Variants in ILDR2 observed in about 807,000 individuals in gnomAD.
ILDR2 encodes immunoglobulin-like domain-containing receptor 2.
ILDR2 carries 25 observed loss-of-function variants against 66.8 expected under a neutral mutation model. The ratio of observed to expected loss-of-function variants is 0.37; its 90% confidence interval spans 0.27 to 0.52. ILDR2 has a LOEUF of 0.52. Among genes scored for constraint, ILDR2 ranks in the 20% least tolerant of loss-of-function variants. The pLI is 0.88. For missense variants in ILDR2, 827 were observed against 876.8 expected (o/e 0.94, Z 0.72); for synonymous variants, 367 against 357.2 (o/e 1.03, Z -0.31).
Position 166,928,576 on chromosome 1 carries a change from A to C in ILDR2, c.881-1396T>G, listed in dbSNP as rs181282824. On this transcript the variant is annotated intron_variant, in intron 6 of 9. Transcript: ENST00000271417. ...CAAAGTGGGGCAAACACCATAAAGA[A>C]ACCATATGACTGCATGTAAATTCAG... 4.5e-4 allele frequency among the ~76,000 whole-genome samples: 68 copies of C among 152,290 alleles called. 1 individual carries two copies. The South Asian group carries it at 0.012, about 26-fold the overall frequency.
At chr1:166,919,941 G>C (rs1659804194) in intron 9 of ILDR2, among the ~76,000 whole-genome samples, 1 of 152,192 alleles carries the variant, frequency 6.6e-6, no homozygotes, top group African/African-American at 2.4e-5. Flanking sequence ...GATCTCCAAA[G>C]CATGGGGGTC....
intron 4 of ILDR2, 64 bp downstream of exon 4, chr1:166,939,448 AAT>A (rs1661182746): frequency 1.5e-6 from 2 of 1,311,408 alleles, no homozygotes; most frequent in East Asian, 4.6e-5. Context: ...ATTAGCGACT[AAT>A]GCAGAAGCAA....
intron 3 of ILDR2, among the ~76,000 whole-genome samples, chr1:166,943,245 C>A (rs541019594): frequency 7.9e-5 from 12 of 152,178 alleles, no homozygotes; most frequent in Non-Finnish European, 1.8e-4. Flanking sequence ...GTAATCCCAG[C>A]ACTTTGGGAG....
rs566318004 is a variant in ILDR2 at position 166,914,122 on chromosome 1, A to C, written c.*5233T>G. The C allele has an allele frequency of 5.2e-5, 8 of 152,568 alleles. No individual in the cohort carries two copies. The highest frequency in any genetic ancestry group is 1.9e-4 in the African/African-American group (8 of 41,358). 9.5% of individuals were successfully genotyped at this position (152,568 alleles called of 1,614,324 possible). On this transcript the variant is annotated 3_prime_UTR_variant, in exon 10 of 10. Coordinates refer to ENST00000271417, the MANE Select transcript of ILDR2 (RefSeq NM_199351.3). ...ACAGAGCAAGACCCTGTCTCAAAAA[A>C]AAAAAAAAGAAAGAAAAAGAAAACG... is the stretch of plus-strand genomic sequence containing the variant.
chr1:166,924,178 CT>C (rs1372628341), intron 7 of ILDR2, among the ~76,000 whole-genome samples: 1 of 152,084 alleles, frequency 6.6e-6, no homozygotes, highest in African/African-American at 2.4e-5. Flanking sequence ...AATTTTTAAC[CT>C]TTTCTTCCAT....
chr1:166,965,267 A>C (rs572287724), intron 1 of ILDR2, among the ~76,000 whole-genome samples: 1 of 152,210 alleles, frequency 6.6e-6, no homozygotes, highest in Non-Finnish European at 1.5e-5. Context: ...ATACATATGA[A>C]GAGGTATCTT....
chr1:166,960,437 A>G (rs1029988816), intron 1 of ILDR2, among the ~76,000 whole-genome samples: 1 of 152,208 alleles, frequency 6.6e-6, no homozygotes, highest in African/African-American at 2.4e-5. Flanking sequence ...CCATACACTA[A>G]TGATGGTTTC....
intron 1 of ILDR2, among the ~76,000 whole-genome samples, chr1:166,970,313 ATGGT>A (rs1379176966): frequency 2.6e-5 from 4 of 152,094 alleles, no homozygotes. Flanking sequence ...CCAATCATTA[ATGGT>A]TTGAGAAAGT....
Position 166,913,063 on chromosome 1 carries a change from C to T in ILDR2, c.*6292G>A, listed in dbSNP as rs1659505251. 6.6e-6 allele frequency: 1 copy of T among 152,162 alleles called. No individual in the cohort carries two copies. Among genetic ancestry groups the T allele is most frequent in the South Asian group, 2.1e-4 (1 of 4,818 alleles). 9.4% of individuals were successfully genotyped at this position (152,162 alleles called of 1,614,324 possible). A position where few individuals can be genotyped will look rare whatever the true frequency, so the allele number is the denominator to read the frequency against. On this transcript the variant is annotated 3_prime_UTR_variant, in exon 10 of 10. Transcript: ENST00000271417. ...TCAGTACCAGCCCCCTCTGTAACCC[C>T]ACAATATGTATTCCTCTATTACTGT...
intron 6 of ILDR2, among the ~76,000 whole-genome samples, chr1:166,932,428 T>A (rs1276952065): frequency 6.6e-6 from 1 of 152,162 alleles, no homozygotes; most frequent in East Asian, 1.9e-4. Flanking sequence ...GACCACAGGA[T>A]TTTTGTGAAT....
chr1:166,905,917 C>T (rs1204535415), downstream of ILDR2, among the ~76,000 whole-genome samples: 1 of 152,190 alleles, frequency 6.6e-6, no homozygotes, highest in Non-Finnish European at 1.5e-5. Context: ...CGCTTGCCTT[C>T]CTCACTCCTC....
chr1:166,926,543 A>T (rs1368467947), intron 7 of ILDR2, among the ~76,000 whole-genome samples: 1 of 152,022 alleles, frequency 6.6e-6, no homozygotes, highest in Non-Finnish European at 1.5e-5. Flanking sequence ...GCCTCCATGC[A>T]GCGAGTTGGT....
chr1:166,950,990 A>G (rs980765882), intron 3 of ILDR2, among the ~76,000 whole-genome samples: 5 of 152,238 alleles, frequency 3.3e-5, no homozygotes, highest in African/African-American at 1.2e-4. Flanking sequence ...ACCATAAAGA[A>G]GCACAAATGG....
intron 3 of ILDR2, among the ~76,000 whole-genome samples, chr1:166,941,247 G>T (rs1228051636): frequency 6.6e-6 from 1 of 152,152 alleles, no homozygotes; most frequent in African/African-American, 2.4e-5. Context: ...CCCATCTCAT[G>T]CAGCTGACAT....
intron 3 of ILDR2, among the ~76,000 whole-genome samples, chr1:166,946,668 A>G (rs1007211296): frequency 6.6e-5 from 10 of 152,144 alleles, no homozygotes; most frequent in African/African-American, 2.4e-4. Flanking sequence ...ACCCCAAGTC[A>G]CACAATTCAC....
rs181475233 is a variant in ILDR2, at chr1:166,956,916, A to T, written c.380-64T>A. On this transcript the variant is annotated intron_variant, in intron 2 of 9. Transcript: ENST00000271417. ...GTCCTCTGAAAGAAAAACACTAAAC[A>T]ATGGGGGTTGGGAAGGGAGAAACCT... 3.8e-6 allele frequency: 6 copies of T among 1,563,654 alleles called. No individual in the cohort carries two copies. In the African/African-American group the frequency reaches 8.2e-5, roughly 21 times the overall value.
chr1:166,968,813 G>A (rs1663111813), intron 1 of ILDR2, among the ~76,000 whole-genome samples: 1 of 152,048 alleles, frequency 6.6e-6, no homozygotes, highest in African/African-American at 2.4e-5. Context: ...CCTTCATCCT[G>A]GGTCTTAGAG....
intron 3 of ILDR2, among the ~76,000 whole-genome samples, chr1:166,941,581 C>A (rs991983394): frequency 6.6e-6 from 1 of 152,100 alleles, no homozygotes; most frequent in African/African-American, 2.4e-5. Context: ...TCTTGAAGAC[C>A]AGGCAATAAT....
At chr1:166,943,910 T>C (rs1426287043) in intron 3 of ILDR2, 1 of 877,022 alleles carries the variant, frequency 1.1e-6, no homozygotes, top group Non-Finnish European at 1.4e-6. Context: ...AAACCACAGC[T>C]CAAACTATCA....
Sources: gnomAD v4.1 joint callset for allele counts (sites outside exome capture counted in the v4.1 genomes callset) on GRCh38, gnomAD v4.1.1 for gene constraint, MANE v1.5 for transcripts, NCBI Gene and HGNC (gene_info 2026-07-23, HGNC 2026-07-21) for gene names.